FRMD3: variants seen among roughly 807,000 people sequenced by gnomAD.
The protein encoded by FRMD3 is FERM domain containing 3.
Under a neutral mutation model 70.2 loss-of-function variants are expected in FRMD3, and 33 were observed. That is an observed-to-expected ratio of 0.47 (90% CI 0.36 to 0.63). FRMD3 has a LOEUF of 0.63. Among genes scored for constraint, FRMD3 ranks in the 20% least tolerant of loss-of-function variants. The probability of loss-of-function intolerance (pLI) is 0.00; values close to 1 mark genes in which losing one functional copy is unlikely to be tolerated. For synonymous variants in FRMD3, 279 were observed against 255.9 expected (o/e 1.09, Z -0.86); for missense variants, 632 against 711.4 (o/e 0.89, Z 1.27).
At chr9:83,379,957 C>T (rs1215834447) in intron 2 of FRMD3, among the ~76,000 whole-genome samples, 9 of 152,154 alleles carry the variant, frequency 5.9e-5, no homozygotes, top group Non-Finnish European at 2.9e-5. Context: ...CCTCCTTCGC[C>T]TCCCTCCTGT....
intron 13 of FRMD3, among the ~76,000 whole-genome samples, chr9:83,289,904 T>G (rs898139282): frequency 1.3e-5 from 2 of 152,056 alleles, no homozygotes; most frequent in Admixed American, 1.3e-4. Flanking sequence ...GTAAGGAGAG[T>G]CCTTAAAAAC....
At chr9:83,253,048 T>C (rs974549119) in intron 13 of FRMD3, among the ~76,000 whole-genome samples, 5 of 152,152 alleles carry the variant, frequency 3.3e-5, no homozygotes, top group African/African-American at 1.2e-4. Context: ...TACAGAAATC[T>C]CCACCTAAAT....
chr9:83,423,585 C>CTTTTTTTTTTTTTTTTTTTTTTTT, intron 1 of FRMD3, among the ~76,000 whole-genome samples: 1 of 60,490 alleles, frequency 1.7e-5, no homozygotes, highest in Non-Finnish European at 3.0e-5. Context: ...AGCCCTGTTT[C>CTTTTTTTTTTTTTTTTTTTTTTTT]TTTTTTTTTT....
At chr9:83,467,069 G>A (rs919822215) in intron 1 of FRMD3, among the ~76,000 whole-genome samples, 19 of 152,128 alleles carry the variant, frequency 1.2e-4, no homozygotes, top group African/African-American at 4.6e-4. Flanking sequence ...TCTTAATATT[G>A]AGCAGGCTCT....
intron 10 of FRMD3, among the ~76,000 whole-genome samples, chr9:83,304,854 A>G (rs186961046): frequency 1.3e-3 from 204 of 152,328 alleles, no homozygotes; most frequent in African/African-American, 4.5e-3. Flanking sequence ...TTAAATGGTG[A>G]ATAAGTCTGT....
rs751974611 is a variant in FRMD3 at position 83,298,794 on chromosome 9, C to T, written c.1024G>A (p.Val342Met). Residue 342 changes from valine (V) to methionine (M), a missense_variant, in exon 12 of 14, where the codon GTG becomes ATG. This residue lies in a region of FRMD3 where 418 missense variants were observed against 442.1 expected (regional missense o/e 0.95). Transcript: ENST00000304195. ...CTCTGGATCTTGGAACTGGCCTCCA[C>T]CACCTCTTTGGCAACTTTCCCACTG... Reference protein sequence around the residue: ...RYSGKVAKEVVEASSKIQREP... With the variant: ...RYSGKVAKEVMEASSKIQREP... The T allele has an allele frequency of 2.5e-6, 4 of 1,614,230 alleles. No homozygotes were observed. The highest frequency in any genetic ancestry group is 1.3e-5 in the African/African-American group (1 of 75,064).
intron 13 of FRMD3, chr9:83,267,398 C>G: frequency 6.0e-6 from 6 of 1,007,212 alleles, no homozygotes; most frequent in Non-Finnish European, 7.8e-6. Context: ...TCTAGCCTTT[C>G]TAAACCTTCC....
At chr9:83,413,836 A>T (rs1219444988) in intron 1 of FRMD3, among the ~76,000 whole-genome samples, 1 of 152,208 alleles carries the variant, frequency 6.6e-6, no homozygotes, top group Non-Finnish European at 1.5e-5. Context: ...GAAGCAACAG[A>T]AAGAAAACTA....
At chr9:83,500,877 T>A (rs77930150) in intron 1 of FRMD3, among the ~76,000 whole-genome samples, 8,143 of 152,136 alleles carry the variant, frequency 0.054, 304 homozygotes, top group East Asian at 0.2. Context: ...TATATAATCA[T>A]CTGCCAGTTA....
the FRMD3 span, among the ~76,000 whole-genome samples, chr9:83,564,998 G>A: frequency 1.3e-5 from 2 of 152,152 alleles, no homozygotes; most frequent in African/African-American, 4.8e-5. Flanking sequence ...TTGGCTGCCT[G>A]GTGGGAGCTA....
At chr9:83,362,803 TTTCCTTC>T (rs1824641374) in intron 3 of FRMD3, among the ~76,000 whole-genome samples, 1 of 65,516 alleles carries the variant, frequency 1.5e-5, no homozygotes, top group Admixed American at 1.4e-4. Flanking sequence ...TTCCTTCCTT[TTTCCTTC>T]CTTCCCTCCC....
the FRMD3 span, among the ~76,000 whole-genome samples, chr9:83,557,650 T>A: frequency 6.6e-6 from 1 of 152,254 alleles, no homozygotes; most frequent in African/African-American, 2.4e-5. Context: ...TTTAGAGTAC[T>A]AATTAGAAGG....
intron 1 of FRMD3, among the ~76,000 whole-genome samples, chr9:83,481,043 C>G (rs1311892549): frequency 6.6e-6 from 1 of 152,020 alleles, no homozygotes; most frequent in South Asian, 2.1e-4. Flanking sequence ...CACATAGATG[C>G]AAGAAAATTA....
intron 1 of FRMD3, among the ~76,000 whole-genome samples, chr9:83,432,771 A>G (rs1356954213): frequency 6.6e-6 from 1 of 152,248 alleles, no homozygotes; most frequent in Non-Finnish European, 1.5e-5. Context: ...TTTAATTTCA[A>G]TAGCTTTAGA....
intron 13 of FRMD3, among the ~76,000 whole-genome samples, chr9:83,278,701 G>A (rs1833871375): frequency 6.6e-6 from 1 of 152,116 alleles, no homozygotes; most frequent in Non-Finnish European, 1.5e-5. Context: ...GCAGGGGCAC[G>A]TCCCCAGCCA....
intron 1 of FRMD3, among the ~76,000 whole-genome samples, chr9:83,480,219 A>C (rs1828534834): frequency 6.6e-6 from 1 of 152,180 alleles, no homozygotes; most frequent in Non-Finnish European, 1.5e-5. Flanking sequence ...AAATGAATAA[A>C]CTGTAGTCTA....
intron 1 of FRMD3, among the ~76,000 whole-genome samples, chr9:83,443,385 G>A (rs1362042090): frequency 6.6e-6 from 1 of 152,150 alleles, no homozygotes; most frequent in African/African-American, 2.4e-5. Flanking sequence ...GTGAGAACAT[G>A]CGGTGTTTGG....
chr9:83,451,325 T>A (rs75221164), intron 1 of FRMD3, among the ~76,000 whole-genome samples: 5,522 of 150,334 alleles, frequency 0.037, 172 homozygotes, highest in East Asian at 0.15. Context: ...AGAAGAGCAA[T>A]AGATAGAAAT....
chr9:83,561,533 G>A, the FRMD3 span, among the ~76,000 whole-genome samples: 1 of 152,168 alleles, frequency 6.6e-6, no homozygotes, highest in Non-Finnish European at 1.5e-5. Flanking sequence ...AAATAGCCCT[G>A]AAATCTGCAA....
Sources: gnomAD v4.1 joint callset for allele counts (sites outside exome capture counted in the v4.1 genomes callset) on GRCh38, gnomAD v4.1.1 for gene constraint, gnomAD v4.1.1 regional missense constraint, MANE v1.5 for transcripts, NCBI Gene and HGNC (gene_info 2026-07-23, HGNC 2026-07-21) for gene names.